Variants in MACROD2 observed in about 807,000 individuals in gnomAD.
MACROD2 encodes ADP-ribose glycohydrolase MACROD2.
MACROD2 carries 36 observed loss-of-function variants against 70.4 expected under a neutral mutation model. That is an observed-to-expected ratio of 0.51 (90% CI 0.39 to 0.68). MACROD2 has a LOEUF of 0.68. Ranked by LOEUF, MACROD2 falls within the 30% of genes least tolerant of loss-of-function variation. The pLI is 0.00. For missense variants in MACROD2, 496 were observed against 538.4 expected, an observed-to-expected ratio of 0.92 and a Z score of 0.78; for synonymous variants, 172 against 178.8, an observed-to-expected ratio of 0.96 and a Z score of 0.30.
intron 5 of MACROD2, among the ~76,000 whole-genome samples, chr20:15,206,011 T>A (rs1005569664): frequency 6.6e-5 from 10 of 152,200 alleles, no homozygotes; most frequent in African/African-American, 2.4e-4. Flanking sequence ...AGGTATAAAT[T>A]ATTGTTTCAA....
At chr20:15,723,545 G>C (rs1393466116) in intron 8 of MACROD2, among the ~76,000 whole-genome samples, 2 of 152,144 alleles carry the variant, frequency 1.3e-5, no homozygotes, top group African/African-American at 4.8e-5. Flanking sequence ...ACAGTAAGTA[G>C]CCTTTTTCAG....
chr20:14,592,639 GGCTAGTCTGGGTATT>G (rs984139349), intron 4 of MACROD2, among the ~76,000 whole-genome samples: 1 of 152,092 alleles, frequency 6.6e-6, no homozygotes, highest in African/African-American at 2.4e-5. Context: ...ATGTTTCCCA[GGCTAGTCTGGGTATT>G]GTAAGTTCTC....
intron 3 of MACROD2, among the ~76,000 whole-genome samples, chr20:14,383,320 CTT>C (rs58922130): frequency 7.2e-6 from 1 of 139,250 alleles, no homozygotes; most frequent in African/African-American, 2.6e-5. Flanking sequence ...TTTTTTTTTG[CTT>C]TTTTTTTGGA....
chr20:14,176,992 A>G (rs2081267939), intron 3 of MACROD2, among the ~76,000 whole-genome samples: 1 of 152,224 alleles, frequency 6.6e-6, no homozygotes, highest in South Asian at 2.1e-4. Flanking sequence ...AACCTGTACT[A>G]GGAAAAAGTT....
chr20:15,429,004 A>G (rs1378931280), intron 6 of MACROD2, among the ~76,000 whole-genome samples: 1 of 152,106 alleles, frequency 6.6e-6, no homozygotes, highest in African/African-American at 2.4e-5. Context: ...TATCCTACTT[A>G]AAAGGTACAG....
rs917566299 is a variant in MACROD2, at chr20:15,783,187, TA to T, written c.646-79553del. Among the ~76,000 whole-genome samples the T allele has an allele frequency of 9.9e-5, 15 of 152,058 alleles. 1 individual carries two copies. The highest frequency in any genetic ancestry group is 9.8e-4 in the Admixed American group (15 of 15,304). ...AGTCTATCCATGTTTTCTATTTGCA[TA>T]AAAATTGTTTGTCTCGATTCTCCTT... On this transcript the variant is annotated intron_variant, in intron 8 of 17. Coordinates refer to ENST00000684519, the MANE Select transcript of MACROD2 (RefSeq NM_001351661.2).
At position 15,191,921 on chromosome 20, in the gene MACROD2, T is replaced by C. The variant is rs975782402; in HGVS notation, c.419-38019T>C. On this transcript the variant is annotated intron_variant, in intron 5 of 17. Coordinates refer to ENST00000684519, the MANE Select transcript of MACROD2 (RefSeq NM_001351661.2). Reference sequence around the variant, plus strand: ...TTAGAAAACTACACATATGTGTATATATATATATATAGAGAGAGAGAGAGT... The same window carrying C: ...TTAGAAAACTACACATATGTGTATACATATATATATAGAGAGAGAGAGAGT... Among the ~76,000 whole-genome samples the C allele has an allele frequency of 1.2e-3, 76 of 61,526 alleles. 1 individual carries two copies. Among genetic ancestry groups the C allele is most frequent in the African/African-American group, 3.4e-3 (72 of 20,914 alleles). The allele number at this position is 61,526 out of a possible 152,430, so 40.4% of individuals were successfully genotyped here. A position where few individuals can be genotyped will look rare whatever the true frequency, so the allele number is the denominator to read the frequency against.
intron 5 of MACROD2, among the ~76,000 whole-genome samples, chr20:14,835,268 A>G (rs1157772206): frequency 6.6e-6 from 1 of 152,112 alleles, no homozygotes; most frequent in African/African-American, 2.4e-5. Flanking sequence ...GAAAGAGGAT[A>G]CATGAAGACA....
At chr20:15,188,006 AT>A (rs1467750640) in intron 5 of MACROD2, among the ~76,000 whole-genome samples, 1 of 152,166 alleles carries the variant, frequency 6.6e-6, no homozygotes, top group African/African-American at 2.4e-5. Context: ...CACGAATGTA[AT>A]GGGGGCTTTC....
chr20:15,024,439 T>C (rs1481495615), intron 5 of MACROD2, among the ~76,000 whole-genome samples: 1 of 152,146 alleles, frequency 6.6e-6, no homozygotes, highest in Non-Finnish European at 1.5e-5. Context: ...AGTAACCTGT[T>C]AATCTAAATT....
At chr20:15,120,043 A>G (rs2076018995) in intron 5 of MACROD2, among the ~76,000 whole-genome samples, 1 of 152,216 alleles carries the variant, frequency 6.6e-6, no homozygotes. Flanking sequence ...CACCCCTAGG[A>G]TCAGTAAACG....
Position 14,177,632 on chromosome 20 carries a change from C to T in MACROD2, c.271+91904C>T, listed in dbSNP as rs543301795. On this transcript the variant is annotated intron_variant, in intron 3 of 17. Transcript: ENST00000684519. ...CGTCAAGCCGAGATTTCTTCTATAACTAAAACACCGTTATACTCATGCTTG... is the reference window on the plus strand; with the variant it reads ...CGTCAAGCCGAGATTTCTTCTATAATTAAAACACCGTTATACTCATGCTTG... Among the ~76,000 whole-genome samples, 11 of 152,062 alleles carry T rather than the reference C, an allele frequency of 7.2e-5. 1 individual carries two copies. In the South Asian group the frequency reaches 1.7e-3, roughly 23 times the overall value.
At chr20:14,687,839 A>G (rs1290287701) in intron 5 of MACROD2, among the ~76,000 whole-genome samples, 2 of 152,238 alleles carry the variant, frequency 1.3e-5, no homozygotes, top group African/African-American at 4.8e-5. Flanking sequence ...AATGATTTAT[A>G]TTAAAAGCAT....
chr20:15,328,164 A>G (rs1321623239), intron 6 of MACROD2, among the ~76,000 whole-genome samples: 1 of 152,002 alleles, frequency 6.6e-6, no homozygotes, highest in East Asian at 1.9e-4. Flanking sequence ...GGTAATAGTT[A>G]GATAAATTTT....
chr20:14,675,938 TA>T (rs1004905780), intron 4 of MACROD2, among the ~76,000 whole-genome samples: 5 of 151,480 alleles, frequency 3.3e-5, no homozygotes, highest in Admixed American at 6.6e-5. Context: ...CAACAAAGAT[TA>T]AAAAAAAGAC....
intron 5 of MACROD2, among the ~76,000 whole-genome samples, chr20:15,155,703 C>G (rs967021581): frequency 3.3e-5 from 5 of 151,962 alleles, no homozygotes; most frequent in Non-Finnish European, 7.4e-5. Flanking sequence ...CATGGGATCC[C>G]TAATACTTAA....
intron 5 of MACROD2, among the ~76,000 whole-genome samples, chr20:14,704,355 G>A (rs2071242709): frequency 6.6e-6 from 1 of 151,966 alleles, no homozygotes; most frequent in Admixed American, 6.6e-5. Flanking sequence ...CGTGTAAATA[G>A]CCCAGCTCAC....
intron 3 of MACROD2, among the ~76,000 whole-genome samples, chr20:14,193,445 G>A (rs913229259): frequency 1.3e-5 from 2 of 152,298 alleles, no homozygotes; most frequent in South Asian, 2.1e-4. Flanking sequence ...ACACAGTTCA[G>A]CTTAGATAGC....
chr20:14,067,988 CA>C (rs768554131), intron 2 of MACROD2, among the ~76,000 whole-genome samples: 14 of 152,176 alleles, frequency 9.2e-5, no homozygotes, highest in Non-Finnish European at 1.8e-4. Context: ...AAAATATTAA[CA>C]TAGAGAAACA....
Sources: gnomAD v4.1 joint callset for allele counts (sites outside exome capture counted in the v4.1 genomes callset) on GRCh38, gnomAD v4.1.1 for gene constraint, MANE v1.5 for transcripts, NCBI Gene and HGNC (gene_info 2026-07-23, HGNC 2026-07-21) for gene names.